The following MCTP1 variants were observed in gnomAD, a reference collection of about 807,000 sequenced individuals.
MCTP1 encodes multiple C2 and transmembrane domain containing 1.
MCTP1 carries 69 observed loss-of-function variants against 120.6 expected under a neutral mutation model. The ratio of observed to expected loss-of-function variants is 0.57; its 90% CI spans 0.47 to 0.70. MCTP1 has a LOEUF of 0.70. MCTP1 is among the 30% of genes least tolerant of loss of function. The probability of loss-of-function intolerance (pLI) is 0.00; values close to 1 mark genes in which losing one functional copy is unlikely to be tolerated. For missense variants in MCTP1, 1,203 were observed against 1,248.8 expected, an observed-to-expected ratio of 0.96 and a Z score of 0.55; for synonymous variants, 529 against 493.1, an observed-to-expected ratio of 1.07 and a Z score of -0.96.
chr5:94,798,482 A>G (rs1780528221), intron 18 of MCTP1, among the ~76,000 whole-genome samples: 1 of 152,154 alleles, frequency 6.6e-6, no homozygotes, highest in Admixed American at 6.6e-5. Context: ...TTAAGCTGAT[A>G]TCTCAATACA....
chr5:95,172,531 A>C (rs921321904), intron 1 of MCTP1, among the ~76,000 whole-genome samples: 1 of 152,164 alleles, frequency 6.6e-6, no homozygotes, highest in Non-Finnish European at 1.5e-5. Context: ...AGTGCTAAAA[A>C]GCCCTCCCAG....
Position 95,147,588 on chromosome 5 carries a change from G to C in MCTP1, c.721-130104C>G, listed in dbSNP as rs938682744. ...CCATCTCATTACTTTCAGCTTGTGG[G>C]TGTCACTACATGCAAGATGGGTCTC... On this transcript the variant is annotated intron_variant, in intron 1 of 22. Transcript: ENST00000515393. Among the ~76,000 whole-genome samples, 5 of 152,270 alleles carry C rather than the reference G, an allele frequency of 3.3e-5. 1 individual carries two copies. Among genetic ancestry groups the C allele is most frequent in the Admixed American group, 1.3e-4 (2 of 15,288 alleles).
chr5:94,873,119 C>T lies in MCTP1; in HGVS notation c.2036+20G>A. 1 of 1,362,206 alleles carries T rather than the reference C, an allele frequency of 7.3e-7. No individual in the cohort carries two copies. Among genetic ancestry groups the T allele is most frequent in the Non-Finnish European group, 1.0e-6 (1 of 954,276 alleles). 84.4% of individuals were successfully genotyped at this position (1,362,206 alleles called of 1,614,324 possible). A position where few individuals can be genotyped will look rare whatever the true frequency, so the allele number is the denominator to read the frequency against. ...TTTAACACAATTTTGGATTCAGAGC[C>T]CAAAGAAATGCCTACTTACAACGTG... is the stretch of plus-strand genomic sequence containing the variant. On this transcript the variant is annotated intron_variant, in intron 13 of 22. Coordinates refer to ENST00000515393, the MANE Select transcript of MCTP1 (RefSeq NM_024717.7).
intron 2 of MCTP1, among the ~76,000 whole-genome samples, chr5:94,987,433 A>C (rs1830618865): frequency 2.0e-5 from 3 of 152,112 alleles, no homozygotes; most frequent in Non-Finnish European, 4.4e-5. Flanking sequence ...TAACATTTTT[A>C]CTTTTTATGC....
intron 2 of MCTP1, among the ~76,000 whole-genome samples, chr5:95,013,943 G>A (rs1030447824): frequency 6.6e-6 from 1 of 151,942 alleles, no homozygotes; most frequent in Non-Finnish European, 1.5e-5. Flanking sequence ...TTCTGGAAAG[G>A]AGTCATCATT....
Position 95,283,931 on chromosome 5 carries a change from A to C in MCTP1, c.645T>G (p.Pro215=). The C allele has an allele frequency of 2.9e-6, 4 of 1,397,386 alleles. No individual in the cohort carries two copies. The highest frequency in any genetic ancestry group is 2.9e-5 in the East Asian group (1 of 34,110). The allele number at this position is 1,397,386 out of a possible 1,614,324, so 86.6% of individuals were successfully genotyped here. ...GACTCCGCGCCGGCTCTGCGGGAGG[A>C]GGCGGCGGCTCCAGCAGCTGCTCCA... is the stretch of plus-strand genomic sequence containing the variant. ...ACLEQLLEPP[P]PPAEPARSPA... Residue 215 remains proline (P), a synonymous_variant, in exon 1 of 23, where the codon CCT becomes CCG. Transcript: ENST00000515393.
chr5:95,104,121 A>C (rs944091700), intron 1 of MCTP1, among the ~76,000 whole-genome samples: 1 of 152,210 alleles, frequency 6.6e-6, no homozygotes, highest in Non-Finnish European at 1.5e-5. Context: ...TACTTATTCT[A>C]TAACCTGAGC....
At chr5:95,131,265 G>A (rs1759023738) in intron 1 of MCTP1, among the ~76,000 whole-genome samples, 1 of 152,142 alleles carries the variant, frequency 6.6e-6, no homozygotes, top group Admixed American at 6.5e-5. Flanking sequence ...ACTGCAAGCA[G>A]GAGCAAGAGA....
At chr5:95,139,651 T>A (rs1240967489) in intron 1 of MCTP1, among the ~76,000 whole-genome samples, 1 of 152,260 alleles carries the variant, frequency 6.6e-6, no homozygotes, top group Non-Finnish European at 1.5e-5. Flanking sequence ...CAAAGGTTTC[T>A]ATTTTTAGTT....
chr5:94,882,586 T>C lies in MCTP1; in HGVS notation c.1933+6293A>G, dbSNP rs554571161. Among the ~76,000 whole-genome samples the C allele has an allele frequency of 4.6e-5, 7 of 152,298 alleles. No homozygotes were observed. In the East Asian group the frequency reaches 1.2e-3, roughly 25 times the overall value. ...AACAATGATTCTAGCATCATGAAGG[T>C]ATTTCTTCAAGCACTGAGTGAAATC... On this transcript the variant is annotated intron_variant, in intron 12 of 22. Transcript: ENST00000515393.
At chr5:95,070,769 C>G (rs938310819) in intron 1 of MCTP1, among the ~76,000 whole-genome samples, 2 of 152,164 alleles carry the variant, frequency 1.3e-5, no homozygotes, top group Non-Finnish European at 2.9e-5. Context: ...GAATTCATCC[C>G]GCAGTAGTTC....
chr5:94,976,970 C>G (rs910164414), intron 2 of MCTP1, among the ~76,000 whole-genome samples: 4 of 152,044 alleles, frequency 2.6e-5, no homozygotes, highest in Non-Finnish European at 5.9e-5. Flanking sequence ...GAAGTCCTAT[C>G]CAGAGGAATT....
At chr5:94,913,480 T>G (rs1283421613) in intron 8 of MCTP1, among the ~76,000 whole-genome samples, 1 of 152,192 alleles carries the variant, frequency 6.6e-6, no homozygotes, top group Non-Finnish European at 1.5e-5. Flanking sequence ...TCTTGCCACA[T>G]TTGGAGATTA....
intron 18 of MCTP1, among the ~76,000 whole-genome samples, chr5:94,787,252 T>C (rs145888441): frequency 3.7e-4 from 56 of 152,340 alleles, no homozygotes; most frequent in African/African-American, 1.3e-3. Context: ...AAATGGCATA[T>C]GCTTATGGTA....
At chr5:95,069,844 A>G (rs1156983233) in intron 1 of MCTP1, among the ~76,000 whole-genome samples, 2 of 151,778 alleles carry the variant, frequency 1.3e-5, no homozygotes, top group African/African-American at 2.4e-5. Flanking sequence ...GACTACAGGC[A>G]CCCACTACCA....
chr5:94,814,507 C>T (rs255332), intron 17 of MCTP1, among the ~76,000 whole-genome samples: 58,865 of 152,028 alleles, frequency 0.39, 13,999 homozygotes, highest in East Asian at 0.89. Flanking sequence ...CTAATTATAA[C>T]TGGAAAAGCA....
chr5:94,998,927 C>T (rs1295354414), intron 2 of MCTP1, among the ~76,000 whole-genome samples: 1 of 152,144 alleles, frequency 6.6e-6, no homozygotes, highest in Admixed American at 6.6e-5. Context: ...TCCTTCCCTT[C>T]GGCAGAGGCA....
At chr5:95,099,576 T>C (rs956879095) in intron 1 of MCTP1, among the ~76,000 whole-genome samples, 2 of 149,930 alleles carry the variant, frequency 1.3e-5, no homozygotes, top group Non-Finnish European at 3.0e-5. Flanking sequence ...CAATGAGATA[T>C]CATCTCACAC....
chr5:95,160,824 T>C (rs895290564), intron 1 of MCTP1, among the ~76,000 whole-genome samples: 1 of 152,030 alleles, frequency 6.6e-6, no homozygotes, highest in East Asian at 1.9e-4. Context: ...AAAGAAGACA[T>C]ACAATAGCCA....
Sources: allele counts gnomAD v4.1 joint callset (sites outside exome capture counted in the v4.1 genomes callset), GRCh38; gene constraint gnomAD v4.1.1; transcripts MANE v1.5; gene names NCBI Gene and HGNC (gene_info 2026-07-23, HGNC 2026-07-21).